The following IDE variants were observed in gnomAD, a reference collection of about 807,000 sequenced individuals.
IDE encodes the protein insulin degrading enzyme.
In IDE, 58 loss-of-function variants were observed where a neutral mutation model predicts 133.2. The observed-to-expected ratio is 0.44, with a 90% CI of 0.35 to 0.54. The LOEUF (loss-of-function observed/expected upper bound fraction) is 0.54. IDE is among the 20% of genes least tolerant of loss of function. The pLI is 0.00. For missense variants in IDE, 981 were observed against 1,234.0 expected (o/e 0.79, Z 3.07); for synonymous variants, 396 against 421.3 (o/e 0.94, Z 0.73).
chr10:92,460,725 C>A (rs1039466991), intron 22 of IDE, among the ~76,000 whole-genome samples: 1 of 152,210 alleles, frequency 6.6e-6, no homozygotes, highest in Non-Finnish European at 1.5e-5. Flanking sequence ...TAAAAACTAT[C>A]TTTATTCTAA....
At position 92,524,383 on chromosome 10, in the gene IDE, A is replaced by AT. The variant is rs1564647617; in HGVS notation, c.661+7364_661+7365insA. 4.9e-3 allele frequency among the ~76,000 whole-genome samples: 421 copies of AT among 85,146 alleles called. 36 individuals carry two copies. Among genetic ancestry groups the AT allele is most frequent in the African/African-American group, 0.019 (371 of 19,302 alleles). The allele number at this position is 85,146 out of a possible 152,430, so 55.9% of individuals were successfully genotyped here. A position where few individuals can be genotyped will look rare whatever the true frequency, so the allele number is the denominator to read the frequency against. The stretch of plus-strand genomic sequence containing the variant: ...TTATATTATAATATATATTATATAT[A>AT]ATATATTTTATATAATATATAATAT... On this transcript the variant is annotated intron_variant, in intron 4 of 24. Transcript: ENST00000265986.
intron 1 of IDE, among the ~76,000 whole-genome samples, chr10:92,557,767 G>A (rs1302952937): frequency 1.3e-5 from 2 of 150,082 alleles, no homozygotes; most frequent in Non-Finnish European, 2.9e-5. Context: ...GCCAACACCT[G>A]TAGTCCCAGC....
At chr10:92,561,815 T>C (rs915136116) in intron 1 of IDE, among the ~76,000 whole-genome samples, 3 of 152,142 alleles carry the variant, frequency 2.0e-5, no homozygotes, top group Admixed American at 6.6e-5. Flanking sequence ...AAACTTTAAA[T>C]GAGGCAAAGG....
chr10:92,520,858 T>A (rs533467005), intron 4 of IDE, among the ~76,000 whole-genome samples: 1 of 152,118 alleles, frequency 6.6e-6, no homozygotes, highest in Non-Finnish European at 1.5e-5. Context: ...CAGACACATA[T>A]CCCAGTAACG....
chr10:92,468,988 A>T lies in IDE; in HGVS notation c.2211T>A (p.Ala737=). 1 of 1,559,422 alleles carries T rather than the reference A, an allele frequency of 6.4e-7. No homozygotes were observed. The highest frequency in any genetic ancestry group is 8.8e-7 in the Non-Finnish European group (1 of 1,130,252). ...ALLHGNITKQ[A]ALGIMQMVED... is the part of the protein sequence containing the mutation. ...CAACCATCTGCATAATTCCTAATGC[A>T]GCCTATGGAAAAAGATATGTCCCAG... is the stretch of plus-strand genomic sequence containing the variant. Residue 737 remains alanine (A), a splice_region_variant and synonymous_variant, in exon 19 of 25, where the codon GCT becomes GCA. Coordinates refer to ENST00000265986, the MANE Select transcript of IDE (RefSeq NM_004969.4).
chr10:92,551,650 G>C (rs1052036549), intron 1 of IDE, among the ~76,000 whole-genome samples: 7 of 151,322 alleles, frequency 4.6e-5, no homozygotes, highest in Non-Finnish European at 1.0e-4. Context: ...AAGGTACCTA[G>C]AGTAGTCAAA....
intron 1 of IDE, among the ~76,000 whole-genome samples, chr10:92,560,945 G>A (rs750445595): frequency 1.5e-4 from 23 of 151,694 alleles, no homozygotes; most frequent in Admixed American, 7.2e-4. Context: ...ACAATAAGGC[G>A]AACTCAGGCC....
intron 22 of IDE, among the ~76,000 whole-genome samples, 159 bp downstream of exon 22, chr10:92,461,032 G>T (rs1294317223): frequency 6.6e-6 from 1 of 152,042 alleles, no homozygotes; most frequent in African/African-American, 2.4e-5. Flanking sequence ...GTATAAATGG[G>T]GTTTCACCAT....
chr10:92,471,395 A>G (rs1289600324), intron 17 of IDE, among the ~76,000 whole-genome samples: 1 of 152,218 alleles, frequency 6.6e-6, no homozygotes, highest in East Asian at 1.9e-4. Context: ...CACACTATAA[A>G]GTAGCTACTA....
At chr10:92,553,209 A>G (rs1842871261) in intron 1 of IDE, among the ~76,000 whole-genome samples, 1 of 152,128 alleles carries the variant, frequency 6.6e-6, no homozygotes, top group African/African-American at 2.4e-5. Flanking sequence ...GGATCACCTG[A>G]AGTCAGGAGT....
At chr10:92,546,839 A>C (rs1290535445) in intron 1 of IDE, among the ~76,000 whole-genome samples, 1 of 152,276 alleles carries the variant, frequency 6.6e-6, no homozygotes, top group Non-Finnish European at 1.5e-5. Context: ...TAACATAGAT[A>C]AAAGCAAAAT....
At chr10:92,551,372 A>G (rs942439167) in intron 1 of IDE, among the ~76,000 whole-genome samples, 3 of 152,018 alleles carry the variant, frequency 2.0e-5, no homozygotes, top group African/African-American at 4.8e-5. Context: ...GATCGAGACC[A>G]TCCTGGCCAA....
intron 11 of IDE, among the ~76,000 whole-genome samples, chr10:92,501,930 G>A (rs532620244): frequency 1.3e-5 from 2 of 152,148 alleles, no homozygotes; most frequent in African/African-American, 4.8e-5. Context: ...AGCCGAGATT[G>A]CACCATTGCA....
chr10:92,464,863 T>A (rs767595922), intron 20 of IDE, among the ~76,000 whole-genome samples: 3 of 152,122 alleles, frequency 2.0e-5, no homozygotes, highest in Non-Finnish European at 4.4e-5. Flanking sequence ...AAAGATGGGG[T>A]CTCACCATGT....
At chr10:92,535,663 A>G (rs1394307920) in intron 2 of IDE, among the ~76,000 whole-genome samples, 1 of 152,180 alleles carries the variant, frequency 6.6e-6, no homozygotes, top group African/African-American at 2.4e-5. Flanking sequence ...TTATTTCTTC[A>G]GTTCTAAAAT....
intron 1 of IDE, among the ~76,000 whole-genome samples, chr10:92,552,458 A>C (rs898398543): frequency 3.9e-5 from 6 of 152,174 alleles, no homozygotes; most frequent in African/African-American, 9.7e-5. Flanking sequence ...AAATATAAAA[A>C]CGTGTATATG....
At chr10:92,474,328 A>G (rs1006457415) in intron 17 of IDE, 1 of 152,330 alleles carries the variant, frequency 6.6e-6, no homozygotes, top group Non-Finnish European at 1.5e-5. Flanking sequence ...TCCGCCTCCC[A>G]AAAGTACTAG....
At chr10:92,486,773 T>C (rs1017673653) in intron 13 of IDE, among the ~76,000 whole-genome samples, 2 of 152,188 alleles carry the variant, frequency 1.3e-5, no homozygotes, top group African/African-American at 4.8e-5. Context: ...ATAATGAATG[T>C]TTTTAAGGGC....
At chr10:92,483,590 G>A (rs1484054256) in intron 13 of IDE, among the ~76,000 whole-genome samples, 2 of 152,166 alleles carry the variant, frequency 1.3e-5, no homozygotes, top group Non-Finnish European at 2.9e-5. Flanking sequence ...GTACAGTGAA[G>A]GAAGAGACAG....
Sources: gnomAD v4.1 joint callset for allele counts (sites outside exome capture counted in the v4.1 genomes callset) on GRCh38, gnomAD v4.1.1 for gene constraint, MANE v1.5 for transcripts, NCBI Gene and HGNC (gene_info 2026-07-23, HGNC 2026-07-21) for gene names.